Variants in LRRC4C observed in about 807,000 individuals in gnomAD.
LRRC4C encodes leucine-rich repeat-containing protein 4C.
In LRRC4C, 5 loss-of-function variants were observed where a neutral mutation model predicts 33.6. That is an observed-to-expected ratio of 0.15 (90% CI 0.08 to 0.31). The LOEUF is 0.31. Ranked by LOEUF, LRRC4C falls within the 10% of genes least tolerant of loss-of-function variation. The pLI is 1.00. For missense variants in LRRC4C, 560 were observed against 796.7 expected (o/e 0.70, Z 3.58); for synonymous variants, 329 against 302.0 (o/e 1.09, Z -0.93).
At chr11:40,387,987 A>G (rs1949177618) in intron 3 of LRRC4C, among the ~76,000 whole-genome samples, 1 of 152,130 alleles carries the variant, frequency 6.6e-6, no homozygotes, top group South Asian at 2.1e-4. Flanking sequence ...TGATTGACTC[A>G]AGGATGAAAT....
At chr11:41,145,430 G>A (rs568958231) in intron 1 of LRRC4C, among the ~76,000 whole-genome samples, 7 of 152,184 alleles carry the variant, frequency 4.6e-5, no homozygotes, top group East Asian at 3.9e-4. Context: ...CAAACTACAC[G>A]CTATGGTCAA....
chr11:41,150,145 T>G (rs1436248027), intron 1 of LRRC4C, among the ~76,000 whole-genome samples: 1 of 152,206 alleles, frequency 6.6e-6, no homozygotes, highest in East Asian at 1.9e-4. Flanking sequence ...ACTTCAGATC[T>G]TCCCCAAAAT....
In LRRC4C at chr11:40,284,973, C is replaced by T. The variant is rs186577226; in HGVS notation, c.-176+34655G>A. The stretch of plus-strand genomic sequence containing the variant: ...TAGGGTTTGGTACTATCAGTGGTTT[C>T]GGGCATCCACTGGGGATCATGGAAT... On this transcript the variant is annotated intron_variant, in intron 4 of 6. Coordinates refer to ENST00000528697, the MANE Select transcript of LRRC4C (RefSeq NM_001258419.2). 1.4e-4 allele frequency among the ~76,000 whole-genome samples: 21 copies of T among 152,164 alleles called. 1 individual carries two copies. In the East Asian group the frequency reaches 3.7e-3, roughly 27 times the overall value.
chr11:41,334,544 T>G (rs191376529), intron 1 of LRRC4C, among the ~76,000 whole-genome samples: 5 of 152,192 alleles, frequency 3.3e-5, no homozygotes, highest in Admixed American at 3.3e-4. Context: ...ATTTTCCTTC[T>G]TCAAGAGGCC....
intron 4 of LRRC4C, among the ~76,000 whole-genome samples, chr11:40,317,340 T>C (rs1175000900): frequency 6.6e-6 from 1 of 152,098 alleles, no homozygotes; most frequent in Non-Finnish European, 1.5e-5. Context: ...CATCACAGTA[T>C]TTTAATTTTC....
At chr11:40,123,414 A>G (rs1230718693) in intron 6 of LRRC4C, among the ~76,000 whole-genome samples, 1 of 152,194 alleles carries the variant, frequency 6.6e-6, no homozygotes, top group Non-Finnish European at 1.5e-5. Context: ...CAAAATCAAC[A>G]TACAAAAATA....
At position 40,270,347 on chromosome 11, in the gene LRRC4C, C is replaced by T. The variant is rs71482199; in HGVS notation, c.-175-28749G>A. ...GCCTCTCTCCTTAGCTTGAAAATGT[C>T]CACATTCTCACTGTATTCTCAGTCT... On this transcript the variant is annotated intron_variant, in intron 4 of 6. Transcript: ENST00000528697. Among the ~76,000 whole-genome samples, 1,459 of 152,090 alleles carry T rather than the reference C, an allele frequency of 9.6e-3. 12 individuals are homozygous for T. The highest frequency in any genetic ancestry group is 0.017 in the Middle Eastern group (5 of 294).
chr11:40,895,141 A>T (rs1955883383), intron 2 of LRRC4C, among the ~76,000 whole-genome samples: 1 of 152,134 alleles, frequency 6.6e-6, no homozygotes, highest in South Asian at 2.1e-4. Context: ...AAAAAAATGT[A>T]CTGAAAACTT....
At chr11:40,777,138 G>A (rs1004347662) in intron 2 of LRRC4C, among the ~76,000 whole-genome samples, 1 of 152,188 alleles carries the variant, frequency 6.6e-6, no homozygotes, top group Non-Finnish European at 1.5e-5. Context: ...TTGCTTTACA[G>A]GCAAGCATGT....
chr11:40,867,285 G>A (rs1954414303), intron 2 of LRRC4C, among the ~76,000 whole-genome samples: 1 of 152,108 alleles, frequency 6.6e-6, no homozygotes, highest in Admixed American at 6.6e-5. Flanking sequence ...ATGGACGTGG[G>A]CTTTGGATTT....
chr11:40,633,411 CAG>C (rs1489390293), intron 3 of LRRC4C, among the ~76,000 whole-genome samples: 1 of 70,992 alleles, frequency 1.4e-5, no homozygotes, highest in African/African-American at 4.9e-5. Flanking sequence ...TTTTTTTTGA[CAG>C]AGTCTCACTC....
chr11:41,301,235 C>T (rs1006313912), intron 1 of LRRC4C, among the ~76,000 whole-genome samples: 3 of 152,120 alleles, frequency 2.0e-5, no homozygotes, highest in African/African-American at 7.2e-5. Context: ...GTTTCCCAAA[C>T]CTATCTACTT....
chr11:41,355,159 C>T (rs1050463754), intron 1 of LRRC4C, among the ~76,000 whole-genome samples: 2 of 151,836 alleles, frequency 1.3e-5, no homozygotes, highest in Admixed American at 6.6e-5. Flanking sequence ...AAAATGGGCA[C>T]AGTACATGAA....
intron 1 of LRRC4C, among the ~76,000 whole-genome samples, chr11:41,435,223 A>G (rs1336099334): frequency 6.6e-6 from 1 of 152,226 alleles, no homozygotes; most frequent in Non-Finnish European, 1.5e-5. Flanking sequence ...ATATTATTGC[A>G]TACCATATGA....
chr11:41,128,220 G>C (rs1369243785), intron 1 of LRRC4C, among the ~76,000 whole-genome samples: 1 of 151,664 alleles, frequency 6.6e-6, no homozygotes, highest in Non-Finnish European at 1.5e-5. Context: ...TTATAGATGA[G>C]TTGAATAATT....
At chr11:40,289,812 T>C (rs974507036) in intron 4 of LRRC4C, among the ~76,000 whole-genome samples, 1 of 152,174 alleles carries the variant, frequency 6.6e-6, no homozygotes, top group African/African-American at 2.4e-5. Flanking sequence ...AGATGCCCCA[T>C]TAACTCCAGA....
intron 6 of LRRC4C, among the ~76,000 whole-genome samples, chr11:40,125,794 G>A (rs1200632703): frequency 6.6e-6 from 1 of 151,990 alleles, no homozygotes; most frequent in African/African-American, 2.4e-5. Context: ...AGAATACACA[G>A]GAGAAAAAAC....
chr11:41,209,930 G>A (rs567836290), intron 1 of LRRC4C, among the ~76,000 whole-genome samples: 1 of 152,196 alleles, frequency 6.6e-6, no homozygotes, highest in South Asian at 2.1e-4. Flanking sequence ...AATCAGATAG[G>A]ACTCGTGTCA....
At chr11:40,654,120 A>G (rs995401855) in intron 2 of LRRC4C, among the ~76,000 whole-genome samples, 1 of 152,216 alleles carries the variant, frequency 6.6e-6, no homozygotes, top group African/African-American at 2.4e-5. Context: ...TGAGGGGCAT[A>G]GCCCTCATAG....
Sources: gnomAD v4.1 joint callset for allele counts (sites outside exome capture counted in the v4.1 genomes callset) on GRCh38, gnomAD v4.1.1 for gene constraint, MANE v1.5 for transcripts, NCBI Gene and HGNC (gene_info 2026-07-23, HGNC 2026-07-21) for gene names.